The following FIGN variants were observed in gnomAD, a reference collection of about 807,000 sequenced individuals.
FIGN encodes fidgetin.
In FIGN, 11 loss-of-function variants were observed where a neutral mutation model predicts 51.3. The ratio of observed to expected loss-of-function variants is 0.21; its 90% CI spans 0.13 to 0.35. The LOEUF (loss-of-function observed/expected upper bound fraction) is 0.35, where lower values mean the gene tolerates loss of function less well. Among genes scored for constraint, FIGN ranks in the 10% least tolerant of loss-of-function variants. FIGN has a pLI of 1.00. For missense variants in FIGN, 857 were observed against 943.6 expected, an observed-to-expected ratio of 0.91 and a Z score of 1.20; for synonymous variants, 407 against 363.2, an observed-to-expected ratio of 1.12 and a Z score of -1.37.
chr2:163,687,665 G>A (rs778454135), intron 2 of FIGN, among the ~76,000 whole-genome samples: 5 of 152,102 alleles, frequency 3.3e-5, no homozygotes, highest in East Asian at 1.9e-4. Flanking sequence ...TTAAGTACAC[G>A]TTTACCTAGG....
In FIGN at chr2:163,650,211, C is replaced by T. The variant is rs75080285; in HGVS notation, c.26-38405G>A. Among the ~76,000 whole-genome samples the T allele has an allele frequency of 9.7e-3, 1,477 of 151,874 alleles. 26 individuals are homozygous for T. Among genetic ancestry groups the T allele is most frequent in the African/African-American group, 0.033 (1,374 of 41,378 alleles). On this transcript the variant is annotated intron_variant, in intron 2 of 2. Coordinates refer to ENST00000333129, the MANE Select transcript of FIGN (RefSeq NM_018086.4). ...TGACTAATCATCATTATTATTGAAT[C>T]GATATTGTAATGTGCTATAATATAG...
chr2:163,637,907 C>A (rs1229778480), intron 2 of FIGN, among the ~76,000 whole-genome samples: 2 of 152,052 alleles, frequency 1.3e-5, no homozygotes, highest in Admixed American at 6.6e-5. Flanking sequence ...CTCAAGTAAA[C>A]AAAGCATCAG....
intron 2 of FIGN, among the ~76,000 whole-genome samples, chr2:163,673,044 G>C (rs924754422): frequency 1.3e-5 from 2 of 152,104 alleles, no homozygotes; most frequent in African/African-American, 4.8e-5. Context: ...ATCAGAAAAT[G>C]TAAGTATGTG....
intron 2 of FIGN, among the ~76,000 whole-genome samples, chr2:163,696,672 T>C (rs1244547135): frequency 6.6e-6 from 1 of 152,056 alleles, no homozygotes. Context: ...TGTTTTGTTT[T>C]GTTTTGTTTT....
chr2:163,677,031 T>C (rs1395083497), intron 2 of FIGN, among the ~76,000 whole-genome samples: 1 of 152,194 alleles, frequency 6.6e-6, no homozygotes, highest in Non-Finnish European at 1.5e-5. Flanking sequence ...TCTGCTTATG[T>C]GCTAAACTTT....
chr2:163,724,808 C>CAT (rs775666436), intron 2 of FIGN, among the ~76,000 whole-genome samples: 5 of 151,876 alleles, frequency 3.3e-5, no homozygotes, highest in African/African-American at 4.8e-5. Context: ...TCTTTAAAGG[C>CAT]ATATATATAT....
At position 163,655,597 on chromosome 2, in the gene FIGN, G is replaced by T. The variant is rs145030829; in HGVS notation, c.26-43791C>A. Among the ~76,000 whole-genome samples the T allele has an allele frequency of 3.3e-5, 5 of 152,136 alleles. No homozygotes were observed. The East Asian group carries it at 9.6e-4, about 29-fold the overall frequency. ...GTAATCACATTTTTATAATTCATGAGTGATTAATCTGTTTTCATACATCAT... is the reference window on the plus strand; with the variant it reads ...GTAATCACATTTTTATAATTCATGATTGATTAATCTGTTTTCATACATCAT... On this transcript the variant is annotated intron_variant, in intron 2 of 2. Coordinates refer to ENST00000333129, the MANE Select transcript of FIGN (RefSeq NM_018086.4).
rs55894952 is a variant in FIGN, at chr2:163,658,364, G to GCTCTCT, written c.26-46564_26-46559dup. 9.2e-3 allele frequency among the ~76,000 whole-genome samples: 1,261 copies of GCTCTCT among 137,574 alleles called. 27 individuals carry two copies. The highest frequency in any genetic ancestry group is 0.029 in the African/African-American group (1,048 of 35,978). The allele number at this position is 137,574 out of a possible 152,430, so 90.3% of individuals were successfully genotyped here. A position where few individuals can be genotyped will look rare whatever the true frequency, so the allele number is the denominator to read the frequency against. ...TATCAGCGAATCTTCTTAAGAAACA[G>GCTCTCT]CTCTCTCTCTCTCTCTCTCTCTCTC... On this transcript the variant is annotated intron_variant, in intron 2 of 2. Coordinates refer to ENST00000333129, the MANE Select transcript of FIGN (RefSeq NM_018086.4).
In FIGN at chr2:163,604,936, C is replaced by CTTTTTGTTTTTTT. The variant is rs1691055828; in HGVS notation, c.*4615_*4616insAAAAAAACAAAAA. Reference sequence around the variant, plus strand: ...TTTTAAGCCCAGAAATAAACTTTTGCTTTTTTTTTTTTTTTTTTTGTATCA... The same window carrying CTTTTTGTTTTTTT: ...TTTTAAGCCCAGAAATAAACTTTTGCTTTTTGTTTTTTTTTTTTTTTTTTTTTTTTTTGTATCA... On this transcript the variant is annotated 3_prime_UTR_variant, in exon 3 of 3. Coordinates refer to ENST00000333129, the MANE Select transcript of FIGN (RefSeq NM_018086.4). 1.1e-5 allele frequency: 1 copy of CTTTTTGTTTTTTT among 94,258 alleles called. No homozygotes were observed. Among genetic ancestry groups the CTTTTTGTTTTTTT allele is most frequent in the Non-Finnish European group, 1.9e-5 (1 of 53,126 alleles). The allele number at this position is 94,258 out of a possible 1,614,324, so 5.8% of individuals were successfully genotyped here. A position where few individuals can be genotyped will look rare whatever the true frequency, so the allele number is the denominator to read the frequency against.
intron 2 of FIGN, chr2:163,612,306 C>G: frequency 1.0e-6 from 1 of 985,294 alleles, no homozygotes; most frequent in Non-Finnish European, 1.2e-6. Flanking sequence ...TGAGACACAG[C>G]TGACAGATCA....
chr2:163,668,024 C>A (rs1043296992), intron 2 of FIGN, among the ~76,000 whole-genome samples: 7 of 149,376 alleles, frequency 4.7e-5, no homozygotes, highest in Non-Finnish European at 1.0e-4. Context: ...ACCCCCCCCC[C>A]CAAAAAACCC....
chr2:163,690,191 C>G (rs759359999), intron 2 of FIGN, among the ~76,000 whole-genome samples: 2 of 152,086 alleles, frequency 1.3e-5, no homozygotes, highest in Non-Finnish European at 2.9e-5. Flanking sequence ...CTTAAACACT[C>G]GAGCTAACTG....
intron 2 of FIGN, among the ~76,000 whole-genome samples, chr2:163,719,139 A>G (rs1195466458): frequency 6.6e-6 from 1 of 152,208 alleles, no homozygotes; most frequent in Non-Finnish European, 1.5e-5. Context: ...TGTAATATGT[A>G]CAATGAAGAA....
intron 2 of FIGN, among the ~76,000 whole-genome samples, chr2:163,728,933 G>A (rs535097206): frequency 2.0e-5 from 3 of 152,276 alleles, no homozygotes; most frequent in African/African-American, 7.2e-5. Flanking sequence ...TTAATGGTGA[G>A]GATAGTAAGT....
chr2:163,628,285 G>A (rs1184619336), intron 2 of FIGN, among the ~76,000 whole-genome samples: 1 of 152,136 alleles, frequency 6.6e-6, no homozygotes, highest in Non-Finnish European at 1.5e-5. Flanking sequence ...GGTAGATCTT[G>A]GACATTGAAT....
At position 163,610,410 on chromosome 2, in the gene FIGN, A is replaced by G. The variant is rs755269322; in HGVS notation, c.1422T>C (p.Asn474=). Residue 474 remains asparagine (N), a synonymous_variant, in exon 3 of 3, where the codon AAT becomes AAC. Transcript: ENST00000333129. ...TDTHLIDLVT[N]EIITQGPPVD... is the part of the protein sequence containing the mutation. ...CTGGAGGTCCTTGGGTGATAATCTC[A>G]TTGGTTACCAGGTCGATGAGGTGCG... is the stretch of plus-strand genomic sequence containing the variant. 3.7e-6 allele frequency: 6 copies of G among 1,612,706 alleles called. No individual in the cohort carries two copies. The highest frequency in any genetic ancestry group is 1.7e-5 in the Admixed American group (1 of 59,996).
intron 2 of FIGN, among the ~76,000 whole-genome samples, chr2:163,695,062 A>T (rs1684295360): frequency 7.2e-6 from 1 of 139,078 alleles, no homozygotes; most frequent in African/African-American, 2.7e-5. Context: ...TGCTGTTTTG[A>T]GCTCGGTGTC....
At chr2:163,731,945 C>A (rs1684937190) in intron 2 of FIGN, among the ~76,000 whole-genome samples, 2 of 152,114 alleles carry the variant, frequency 1.3e-5, no homozygotes, top group Admixed American at 1.3e-4. Flanking sequence ...CTCTTCCCTG[C>A]TTATTTGATG....
chr2:163,624,271 C>G (rs980724388), intron 2 of FIGN, among the ~76,000 whole-genome samples: 2 of 151,822 alleles, frequency 1.3e-5, no homozygotes, highest in Non-Finnish European at 2.9e-5. Context: ...CAATAGCTCC[C>G]TGTATTGTTA....
Sources: allele counts gnomAD v4.1 joint callset (sites outside exome capture counted in the v4.1 genomes callset), GRCh38; gene constraint gnomAD v4.1.1; transcripts MANE v1.5; gene names NCBI Gene and HGNC (gene_info 2026-07-23, HGNC 2026-07-21).